The following RASSF8 variants were observed in gnomAD, a reference collection of about 807,000 sequenced individuals.
RASSF8 encodes the protein Ras association domain family member 8.
RASSF8 carries 22 observed loss-of-function variants against 48.5 expected under a neutral mutation model. The ratio of observed to expected loss-of-function variants is 0.45; its 90% CI spans 0.32 to 0.65. The LOEUF is 0.65. RASSF8 is among the 30% of genes least tolerant of loss of function. The pLI is 0.03. For missense variants in RASSF8, 418 were observed against 489.2 expected (o/e 0.85, Z 1.37); for synonymous variants, 127 against 171.5 (o/e 0.74, Z 2.03).
At chr12:26,023,427 A>G (rs1942832999) in intron 2 of RASSF8, among the ~76,000 whole-genome samples, 1 of 152,238 alleles carries the variant, frequency 6.6e-6, no homozygotes, top group African/African-American at 2.4e-5. Context: ...CATTAAGATT[A>G]ATAGCTGACT....
chr12:26,067,550 A>G lies in RASSF8; in HGVS notation c.994-19A>G, dbSNP rs767891541. ...AGTAGTGAATCCTCAAATTTAAAAA[A>G]ATAATAATTTCCATCTAGGACAAAG... On this transcript the variant is annotated intron_variant, in intron 4 of 5. Transcript: ENST00000689635. The G allele has an allele frequency of 6.3e-7, 1 of 1,593,088 alleles. No homozygotes were observed. The highest frequency in any genetic ancestry group is 8.6e-7 in the Non-Finnish European group (1 of 1,168,630).
chr12:26,012,852 T>G (rs1046985933), intron 2 of RASSF8, among the ~76,000 whole-genome samples: 2 of 152,042 alleles, frequency 1.3e-5, no homozygotes, highest in Non-Finnish European at 2.9e-5. Context: ...TTTTTAAATT[T>G]TTTTGTAAAG....
intron 2 of RASSF8, among the ~76,000 whole-genome samples, chr12:26,020,984 A>G (rs968097207): frequency 6.6e-6 from 1 of 152,198 alleles, no homozygotes; most frequent in African/African-American, 2.4e-5. Flanking sequence ...AAGTTGCAGT[A>G]TTTGTTTTTT....
At position 26,065,565 on chromosome 12, in the gene RASSF8, C is replaced by T. The variant is rs368575171; in HGVS notation, c.993+178C>T. On this transcript the variant is annotated intron_variant, in intron 4 of 5. Coordinates refer to ENST00000689635, the MANE Select transcript of RASSF8 (RefSeq NM_001394098.1). ...AGCTTAGATGGGAGCAGTAGCCTTG[C>T]GGATCCTTCTCCATGGAAGAGCCTT... Among the ~76,000 whole-genome samples the T allele has an allele frequency of 4.6e-5, 7 of 152,172 alleles. No individual in the cohort carries two copies. In the East Asian group the frequency reaches 9.6e-4, roughly 21 times the overall value.
chr12:26,001,746 A>G (rs1592252000), intron 2 of RASSF8, among the ~76,000 whole-genome samples: 2 of 151,816 alleles, frequency 1.3e-5, no homozygotes, highest in African/African-American at 2.4e-5. Context: ...CTGCTGGAAT[A>G]CCTCCTGAAG....
intron 2 of RASSF8, among the ~76,000 whole-genome samples, chr12:26,027,271 A>G (rs1942934939): frequency 6.6e-6 from 1 of 152,232 alleles, no homozygotes; most frequent in South Asian, 2.1e-4. Context: ...AACTGGTGAT[A>G]GTTCCATAAT....
At chr12:25,989,056 ACTTAC>A (rs1941954331) in intron 1 of RASSF8, among the ~76,000 whole-genome samples, 1 of 152,230 alleles carries the variant, frequency 6.6e-6, no homozygotes, top group African/African-American at 2.4e-5. Context: ...AGAGCCTTGT[ACTTAC>A]CAAGCGGTAG....
At chr12:26,073,849 C>CACACACACACACATAT (rs35014279), downstream of RASSF8, among the ~76,000 whole-genome samples, 1,789 of 144,122 alleles carry the variant, frequency 0.012, 18 homozygotes, top group Middle Eastern at 0.021. Flanking sequence ...CACACACACA[C>CACACACACACACATAT]ATATATATAT....
At chr12:26,007,579 A>G (rs78573147) in intron 2 of RASSF8, among the ~76,000 whole-genome samples, 3 of 152,264 alleles carry the variant, frequency 2.0e-5, no homozygotes, top group Admixed American at 6.5e-5. Flanking sequence ...AGTGTAGCTG[A>G]GTTTGTAAAG....
chr12:26,039,919 T>A (rs2729636), intron 2 of RASSF8, among the ~76,000 whole-genome samples: 137,750 of 152,238 alleles, frequency 0.9, 62,453 homozygotes, highest in East Asian at 0.99. Flanking sequence ...AATGTTTGTC[T>A]TTTTTGTCTT....
intron 1 of RASSF8, among the ~76,000 whole-genome samples, chr12:25,966,315 C>G (rs1322381003): frequency 6.6e-6 from 1 of 152,048 alleles, no homozygotes; most frequent in East Asian, 1.9e-4. Context: ...TACAGTAGTA[C>G]AGTCATAGTT....
At chr12:26,056,994 G>T (rs1943617472) in intron 3 of RASSF8, among the ~76,000 whole-genome samples, 1 of 151,090 alleles carries the variant, frequency 6.6e-6, no homozygotes, top group Non-Finnish European at 1.5e-5. Context: ...GTTATATTTG[G>T]GAATTAAGCC....
intron 2 of RASSF8, among the ~76,000 whole-genome samples, chr12:26,008,938 G>A (rs1251971018): frequency 6.6e-6 from 1 of 152,182 alleles, no homozygotes; most frequent in East Asian, 1.9e-4. Context: ...TCTGCCAAAT[G>A]AGCAGATATA....
chr12:26,036,951 A>G (rs1021549060), intron 2 of RASSF8, among the ~76,000 whole-genome samples: 17 of 152,102 alleles, frequency 1.1e-4, no homozygotes, highest in East Asian at 1.9e-4. Flanking sequence ...CTGTATGTGT[A>G]TTACCCTAGG....
At chr12:25,999,941 G>A (rs1047596869) in intron 2 of RASSF8, among the ~76,000 whole-genome samples, 17 of 152,120 alleles carry the variant, frequency 1.1e-4, no homozygotes, top group Admixed American at 1.1e-3. Context: ...AGATAATGAG[G>A]AGACTTATGT....
chr12:26,052,741 A>G (rs1943518556), intron 2 of RASSF8: 4 of 152,226 alleles, frequency 2.6e-5, no homozygotes, highest in South Asian at 4.1e-4. Flanking sequence ...ATATTGGATC[A>G]TGTCATCTGC....
chr12:26,056,762 G>A (rs1223377651), intron 3 of RASSF8, among the ~76,000 whole-genome samples: 4 of 152,050 alleles, frequency 2.6e-5, no homozygotes, highest in Non-Finnish European at 5.9e-5. Flanking sequence ...TTTCACATCC[G>A]GTGAAACTCT....
At chr12:26,016,137 T>C (rs1019435156) in intron 2 of RASSF8, among the ~76,000 whole-genome samples, 23 of 152,026 alleles carry the variant, frequency 1.5e-4, no homozygotes, top group African/African-American at 5.5e-4. Flanking sequence ...TTGAAATGCA[T>C]GGAAAATTCA....
chr12:26,040,811 A>C (rs1943247366), intron 2 of RASSF8, among the ~76,000 whole-genome samples: 1 of 151,896 alleles, frequency 6.6e-6, no homozygotes, highest in Non-Finnish European at 1.5e-5. Context: ...TGAATATTTG[A>C]GTTCAGTTTG....
Sources: allele counts gnomAD v4.1 joint callset (sites outside exome capture counted in the v4.1 genomes callset), GRCh38; gene constraint gnomAD v4.1.1; transcripts MANE v1.5; gene names NCBI Gene and HGNC (gene_info 2026-07-23, HGNC 2026-07-21).